The following ANO3 variants were observed in gnomAD, a reference collection of about 807,000 sequenced individuals.
ANO3 encodes anoctamin 3, also known as anoctamin-3.
A neutral mutation model predicts 144.8 loss-of-function variants in ANO3; 99 were observed. The ratio of observed to expected loss-of-function variants is 0.68; its 90% CI spans 0.58 to 0.81. The LOEUF is 0.81. Among genes scored for constraint, ANO3 ranks in the 30% least tolerant of loss-of-function variants. ANO3 has a pLI of 0.00. For synonymous variants in ANO3, 414 were observed against 392.6 expected, an observed-to-expected ratio of 1.05 and a Z score of -0.64; for missense variants, 905 against 1,202.2, an observed-to-expected ratio of 0.75 and a Z score of 3.66.
At position 26,599,730 on chromosome 11, in the gene ANO3, G is replaced by A; in HGVS notation, c.1836+16G>A. On this transcript the variant is annotated intron_variant, in intron 17 of 26. Coordinates refer to ENST00000256737, the MANE Select transcript of ANO3 (RefSeq NM_031418.4). Reference sequence around the variant, plus strand: ...GCTGAATCTTGTAAGTGTCTATAATGTTATTCTTCAGTAGACAAAAAAGGG... The same window carrying A: ...GCTGAATCTTGTAAGTGTCTATAATATTATTCTTCAGTAGACAAAAAAGGG... 1 of 1,606,332 alleles carries A rather than the reference G, an allele frequency of 6.2e-7. No individual in the cohort carries two copies.
At chr11:26,304,844 G>GT (rs1224008739), upstream of ANO3, among the ~76,000 whole-genome samples, 27 of 152,166 alleles carry the variant, frequency 1.8e-4, no homozygotes, top group African/African-American at 5.5e-4. Flanking sequence ...AGATTACTGA[G>GT]TTAGAGTGAA....
At chr11:26,593,897 C>G (rs1851528847) in intron 14 of ANO3, among the ~76,000 whole-genome samples, 1 of 152,138 alleles carries the variant, frequency 6.6e-6, no homozygotes, top group African/African-American at 2.4e-5. Flanking sequence ...TTCCTGATCT[C>G]TATTATAAAA....
chr11:26,478,998 T>C (rs1320808131), intron 4 of ANO3, among the ~76,000 whole-genome samples: 1 of 152,188 alleles, frequency 6.6e-6, no homozygotes, highest in Non-Finnish European at 1.5e-5. Flanking sequence ...GTTCATTTTG[T>C]CTAAAAGTTT....
chr11:26,390,842 A>G (rs1039407126), intron 1 of ANO3, among the ~76,000 whole-genome samples: 6 of 152,242 alleles, frequency 3.9e-5, no homozygotes, highest in African/African-American at 1.4e-4. Context: ...ATTCTTTGCA[A>G]GTGACTAGTT....
chr11:26,523,643 C>A (rs1465835719), intron 6 of ANO3, among the ~76,000 whole-genome samples: 1 of 152,190 alleles, frequency 6.6e-6, no homozygotes, highest in Non-Finnish European at 1.5e-5. Context: ...TCGTTTTCAA[C>A]AGGGAGAATT....
chr11:26,290,399 C>T (rs905630946), intron 1 of ANO3, among the ~76,000 whole-genome samples: 1 of 152,122 alleles, frequency 6.6e-6, no homozygotes, highest in Non-Finnish European at 1.5e-5. Flanking sequence ...GATTTTGTGT[C>T]TCTATCTCCT....
intron 1 of ANO3, among the ~76,000 whole-genome samples, chr11:26,390,636 A>G (rs1244316202): frequency 6.6e-6 from 1 of 152,158 alleles, no homozygotes; most frequent in East Asian, 1.9e-4. Context: ...ATGTAAGCAC[A>G]AGAATGCTCA....
chr11:26,527,156 T>C (rs1849183895), intron 7 of ANO3, among the ~76,000 whole-genome samples: 1 of 152,126 alleles, frequency 6.6e-6, no homozygotes, highest in Admixed American at 6.6e-5. Context: ...TATATAAAGC[T>C]ATCATGGCAA....
At chr11:26,509,468 G>A (rs4444033) in intron 5 of ANO3, among the ~76,000 whole-genome samples, 89,520 of 151,566 alleles carry the variant, frequency 0.59, 27,283 homozygotes, top group East Asian at 0.77. Context: ...ACCGATCACC[G>A]TGCCCACCTA....
At chr11:26,240,221 G>T (rs535556985) in intron 1 of ANO3, among the ~76,000 whole-genome samples, 1 of 152,026 alleles carries the variant, frequency 6.6e-6, no homozygotes, top group Admixed American at 6.6e-5. Context: ...GACAATAAAG[G>T]TTATTATTAT....
intron 1 of ANO3, among the ~76,000 whole-genome samples, chr11:26,259,386 A>G (rs919908748): frequency 6.6e-6 from 1 of 152,162 alleles, no homozygotes; most frequent in African/African-American, 2.4e-5. Flanking sequence ...ATGGTGGCTC[A>G]CGCCTATAAT....
intron 10 of ANO3, among the ~76,000 whole-genome samples, chr11:26,541,055 A>G (rs758654533): frequency 2.0e-5 from 3 of 152,232 alleles, no homozygotes; most frequent in Non-Finnish European, 2.9e-5. Context: ...CCAAATGCCC[A>G]TCAATGATAG....
rs16915744 is a variant in ANO3 at position 26,503,072 on chromosome 11, C to T, written c.433-5032C>T. Among the ~76,000 whole-genome samples, 896 of 152,216 alleles carry T rather than the reference C, an allele frequency of 5.9e-3. 10 individuals carry two copies. Among genetic ancestry groups the T allele is most frequent in the African/African-American group, 0.02 (825 of 41,558 alleles). ...GAAAGATCAGCTTTTCTGAAAGTAT[C>T]TGAGCTTCATGGTTTGCAAACACAT... On this transcript the variant is annotated intron_variant, in intron 4 of 26. Coordinates refer to ENST00000256737, the MANE Select transcript of ANO3 (RefSeq NM_031418.4).
chr11:26,652,752 C>A (rs1264790527), intron 24 of ANO3, among the ~76,000 whole-genome samples: 1 of 152,144 alleles, frequency 6.6e-6, no homozygotes, highest in Non-Finnish European at 1.5e-5. Context: ...TTCCTATGTT[C>A]TCCAATTCCC....
chr11:26,300,328 G>A (rs931733142), intron 1 of ANO3, among the ~76,000 whole-genome samples: 5 of 151,692 alleles, frequency 3.3e-5, no homozygotes, highest in African/African-American at 4.8e-5. Flanking sequence ...TGCAATTTTT[G>A]TTTTCCTTTT....
intron 6 of ANO3, among the ~76,000 whole-genome samples, chr11:26,523,598 A>G (rs1193037541): frequency 6.6e-6 from 1 of 151,858 alleles, no homozygotes; most frequent in East Asian, 1.9e-4. Flanking sequence ...TCTTAAGTTA[A>G]TGCTCTCAGA....
intron 1 of ANO3, among the ~76,000 whole-genome samples, chr11:26,283,520 T>C (rs1853732394): frequency 6.6e-6 from 1 of 151,220 alleles, no homozygotes; most frequent in African/African-American, 2.4e-5. Flanking sequence ...CAGTACAACA[T>C]GAAAAGTAGT....
intron 11 of ANO3, among the ~76,000 whole-genome samples, chr11:26,545,546 T>A (rs1467306495): frequency 6.6e-6 from 1 of 151,998 alleles, no homozygotes; most frequent in African/African-American, 2.4e-5. Context: ...GTATGGCAAT[T>A]TAAAAAATTA....
intron 1 of ANO3, among the ~76,000 whole-genome samples, chr11:26,424,571 G>A (rs867974250): frequency 1.7e-4 from 26 of 151,840 alleles, no homozygotes; most frequent in African/African-American, 5.8e-4. Context: ...ACCTCCCCTT[G>A]TTCCCCCCAA....
Sources: allele counts gnomAD v4.1 joint callset (sites outside exome capture counted in the v4.1 genomes callset), GRCh38; gene constraint gnomAD v4.1.1; transcripts MANE v1.5; gene names NCBI Gene and HGNC (gene_info 2026-07-23, HGNC 2026-07-21).